The following VPS37A variants were observed in gnomAD, a reference collection of about 807,000 sequenced individuals.
VPS37A encodes the protein VPS37A subunit of ESCRT-I.
VPS37A carries 30 observed loss-of-function variants against 49.8 expected under a neutral mutation model. That is an observed-to-expected ratio of 0.60 (90% CI 0.45 to 0.82). VPS37A has a LOEUF of 0.82. VPS37A is among the 40% of genes least tolerant of loss of function. VPS37A has a pLI of 0.00. For synonymous variants in VPS37A, 195 were observed against 160.6 expected (o/e 1.21, Z -1.62); for missense variants, 593 against 464.4 (o/e 1.28, Z -2.55).
At chr8:17,294,142 T>A (rs1405804422) in intron 11 of VPS37A, among the ~76,000 whole-genome samples, 3 of 152,224 alleles carry the variant, frequency 2.0e-5, no homozygotes, top group Admixed American at 1.3e-4. Context: ...CTTTCAGAGA[T>A]GCCCTGCCCA....
chr8:17,303,599 A>T (rs546369142), downstream of VPS37A, among the ~76,000 whole-genome samples: 1 of 130,612 alleles, frequency 7.7e-6, no homozygotes, highest in Non-Finnish European at 1.6e-5. Flanking sequence ...CATTCTCCCC[A>T]TACATACAAT....
chr8:17,304,026 C>T (rs768030244), downstream of VPS37A, among the ~76,000 whole-genome samples: 1 of 152,144 alleles, frequency 6.6e-6, no homozygotes, highest in East Asian at 1.9e-4. Context: ...TTTGCTCCAA[C>T]CTTAACACGT....
chr8:17,295,332 C>G lies in VPS37A; in HGVS notation c.*346C>G, dbSNP rs1816540861. On this transcript the variant is annotated 3_prime_UTR_variant, in exon 12 of 12. Coordinates refer to ENST00000324849, the MANE Select transcript of VPS37A (RefSeq NM_152415.3). ...ACTTCATTTAAATTTGTATTTTTAA[C>G]TTGAAGTTCCATTTCTTTATCAAGG... The G allele has an allele frequency of 6.6e-6, 1 of 152,478 alleles. No individual in the cohort carries two copies. The highest frequency in any genetic ancestry group is 1.5e-5 in the Non-Finnish European group (1 of 68,010). The allele number at this position is 152,478 out of a possible 1,614,324, so 9.4% of individuals were successfully genotyped here. A position where few individuals can be genotyped will look rare whatever the true frequency, so the allele number is the denominator to read the frequency against.
At chr8:17,309,604 G>C in the VPS37A span, among the ~76,000 whole-genome samples, 1 of 152,166 alleles carries the variant, frequency 6.6e-6, no homozygotes, top group Non-Finnish European at 1.5e-5. Context: ...TGTTCACATT[G>C]CTTTACGTAT....
Position 17,280,232 on chromosome 8 carries a change from C to G in VPS37A, c.842-7C>G, listed in dbSNP as rs1466166174. On this transcript the variant is annotated splice_polypyrimidine_tract_variant and splice_region_variant and intron_variant, in intron 7 of 11. Transcript: ENST00000324849. ...ACCTAGAAGTAAACTAGAGATTTATCTTACAGGAAAAAATCTCCTTTTGGA... is the reference window on the plus strand; with the variant it reads ...ACCTAGAAGTAAACTAGAGATTTATGTTACAGGAAAAAATCTCCTTTTGGA... 6.2e-7 allele frequency: 1 copy of G among 1,612,332 alleles called. No homozygotes were observed. Among genetic ancestry groups the G allele is most frequent in the African/African-American group, 1.3e-5 (1 of 74,828 alleles).
chr8:17,296,219 GA>G lies in VPS37A; in HGVS notation c.*1235del, dbSNP rs1816618930. The G allele has an allele frequency of 6.6e-6, 1 of 152,068 alleles. No individual in the cohort carries two copies. The highest frequency in any genetic ancestry group is 6.6e-5 in the Admixed American group (1 of 15,264). The allele number at this position is 152,068 out of a possible 1,614,324, so 9.4% of individuals were successfully genotyped here. A position where few individuals can be genotyped will look rare whatever the true frequency, so the allele number is the denominator to read the frequency against. ...TAGGAAGAACAAAATTATTTTGTTAGAATTAAAACATGCTTAATATTTAGTC... is the reference window on the plus strand; with the variant it reads ...TAGGAAGAACAAAATTATTTTGTTAGATTAAAACATGCTTAATATTTAGTC... On this transcript the variant is annotated 3_prime_UTR_variant, in exon 12 of 12. Coordinates refer to ENST00000324849, the MANE Select transcript of VPS37A (RefSeq NM_152415.3).
chr8:17,251,062 A>G (rs138070095), intron 1 of VPS37A, among the ~76,000 whole-genome samples: 1 of 152,236 alleles, frequency 6.6e-6, no homozygotes, highest in African/African-American at 2.4e-5. Flanking sequence ...CTTTATGGAC[A>G]CTGTTGGTTT....
intron 1 of VPS37A, chr8:17,247,782 G>C (rs1446429107): frequency 1.4e-6 from 1 of 702,422 alleles, no homozygotes; most frequent in African/African-American, 1.7e-5. Flanking sequence ...CACAAAGAAT[G>C]GAAAATAGAA....
chr8:17,312,546 G>C, the VPS37A span, among the ~76,000 whole-genome samples: 1 of 128,856 alleles, frequency 7.8e-6, no homozygotes, highest in East Asian at 2.4e-4. Flanking sequence ...CTGCACTCCA[G>C]CCTGGGTGAC....
chr8:17,298,265 T>TAAAC (rs1816867849), downstream of VPS37A: 2 of 152,198 alleles, frequency 1.3e-5, no homozygotes, highest in South Asian at 4.1e-4. Context: ...AGAAAATGAA[T>TAAAC]AAACATTCCT....
chr8:17,299,861 T>A, downstream of VPS37A: 1 of 1,613,942 alleles, frequency 6.2e-7, no homozygotes, highest in Non-Finnish European at 8.5e-7. Flanking sequence ...AAAGGGAAAC[T>A]TCAGGCAGTG....
chr8:17,266,220 G>A (rs983729554), intron 2 of VPS37A, among the ~76,000 whole-genome samples: 1 of 152,144 alleles, frequency 6.6e-6, no homozygotes, highest in East Asian at 1.9e-4. Context: ...TCTGAGTACT[G>A]TAATTGTTTT....
At chr8:17,307,780 G>A in the VPS37A span, among the ~76,000 whole-genome samples, 6 of 151,468 alleles carry the variant, frequency 4.0e-5, no homozygotes, top group South Asian at 2.1e-4. Flanking sequence ...GCAAACTATC[G>A]CAAGGACAAA....
the VPS37A span, among the ~76,000 whole-genome samples, chr8:17,310,009 A>T: frequency 1.3e-5 from 2 of 151,994 alleles, no homozygotes; most frequent in African/African-American, 4.8e-5. Flanking sequence ...ATATTTTAAA[A>T]TTTATTTTTG....
Position 17,276,478 on chromosome 8 carries a change from A to G in VPS37A, c.713+11A>G, listed in dbSNP as rs770624903. ...ACTCTCAGAACTAAGGTAAACCTGG[A>G]AAGTAAAGTTGGTCACATTGTCTAT... On this transcript the variant is annotated intron_variant, in intron 6 of 11. Transcript: ENST00000324849. 9.1e-5 allele frequency: 146 copies of G among 1,605,238 alleles called. No individual in the cohort carries two copies. Among genetic ancestry groups the G allele is most frequent in the Non-Finnish European group, 1.2e-4 (139 of 1,176,182 alleles).
At chr8:17,299,579 G>C (rs1816962489), downstream of VPS37A, 2 of 377,552 alleles carry the variant, frequency 5.3e-6, no homozygotes, top group African/African-American at 4.0e-5. Flanking sequence ...ATCACTTCAG[G>C]TAATGACAGA....
downstream of VPS37A, among the ~76,000 whole-genome samples, chr8:17,303,833 C>G (rs1321929826): frequency 1.3e-5 from 2 of 152,180 alleles, no homozygotes; most frequent in Non-Finnish European, 2.9e-5. Flanking sequence ...TTGTCTTGAA[C>G]TCCTGACCTA....
At chr8:17,305,687 G>T, downstream of VPS37A, 3 of 1,357,264 alleles carry the variant, frequency 2.2e-6, no homozygotes, top group Non-Finnish European at 3.1e-6. Context: ...ATTATGAAAG[G>T]CCACCTAAAA....
At chr8:17,300,085 T>C (rs774897870), downstream of VPS37A, 1 of 1,614,158 alleles carries the variant, frequency 6.2e-7, no homozygotes, top group South Asian at 1.1e-5. Context: ...TGGAAATGAT[T>C]TCATATTCCC....
Sources: allele counts gnomAD v4.1 joint callset (sites outside exome capture counted in the v4.1 genomes callset), GRCh38; gene constraint gnomAD v4.1.1; transcripts MANE v1.5; gene names NCBI Gene and HGNC (gene_info 2026-07-23, HGNC 2026-07-21).